The following DNAH3 variants were observed in gnomAD, a reference collection of about 807,000 sequenced individuals.
The protein encoded by DNAH3 is dynein axonemal heavy chain 3, also known as axonemal beta dynein heavy chain 3.
A neutral mutation model predicts 432.5 loss-of-function variants in DNAH3; 332 were observed. The observed-to-expected ratio is 0.77, with a 90% CI of 0.70 to 0.84. The LOEUF (loss-of-function observed/expected upper bound fraction) is 0.84, where lower values mean the gene tolerates loss of function less well. DNAH3 is among the 40% of genes least tolerant of loss of function. The probability of loss-of-function intolerance (pLI) is 0.00; values close to 1 mark genes in which losing one functional copy is unlikely to be tolerated. For missense variants in DNAH3, 4,861 were observed against 5,114.0 expected (o/e 0.95, Z 1.51); for synonymous variants, 1,956 against 1,900.2 (o/e 1.03, Z -0.76).
intron 31 of DNAH3, among the ~76,000 whole-genome samples, chr16:21,047,828 T>G (rs1207031168): frequency 1.3e-5 from 2 of 150,602 alleles, no homozygotes; most frequent in African/African-American, 2.4e-5. Flanking sequence ...TGGTCTTTGA[T>G]GATGGTGATG....
exon 48 of DNAH3, chr16:20,985,630 C>G (rs1173142432): frequency 2.5e-6 from 4 of 1,614,198 alleles, no homozygotes; most frequent in Non-Finnish European, 3.4e-6. Flanking sequence ...TTTTTGGTCA[C>G]TTTCTGGCTT....
chr16:20,997,517 T>TG, intron 43 of DNAH3, 55 bp from the exon 44 acceptor site: 1 of 1,582,610 alleles, frequency 6.3e-7, no homozygotes, highest in Non-Finnish European at 8.6e-7. Flanking sequence ...TCTTCTGCTC[T>TG]TACAGAGGTA....
chr16:21,064,537 T>C (rs1383612567), intron 24 of DNAH3, among the ~76,000 whole-genome samples: 1 of 152,200 alleles, frequency 6.6e-6, no homozygotes, highest in African/African-American at 2.4e-5. Context: ...GTTGAGCAAG[T>C]ACAAAGAGTA....
chr16:21,098,347 G>C (rs756210822), intron 17 of DNAH3, among the ~76,000 whole-genome samples: 3 of 150,864 alleles, frequency 2.0e-5, no homozygotes, highest in Non-Finnish European at 4.4e-5. Context: ...GCTGAGGCAG[G>C]AGAATCACTT....
chr16:20,987,834 C>A (rs2086279383), exon 46 of DNAH3: 2 of 1,614,140 alleles, frequency 1.2e-6, no homozygotes, highest in Non-Finnish European at 1.7e-6. Flanking sequence ...TAGCTTGGAC[C>A]AGCATCTTTC....
chr16:20,968,602 C>T (rs2085166755), intron 52 of DNAH3, among the ~76,000 whole-genome samples: 1 of 151,730 alleles, frequency 6.6e-6, no homozygotes, highest in Admixed American at 6.6e-5. Flanking sequence ...GCTTTCCTTC[C>T]TCCTTCCCCA....
At chr16:21,058,549 C>T (rs144678603) in intron 26 of DNAH3, among the ~76,000 whole-genome samples, 2 of 152,204 alleles carry the variant, frequency 1.3e-5, no homozygotes, top group African/African-American at 4.8e-5. Context: ...ATTTTTTTAG[C>T]TGTTTCTCCA....
chr16:20,999,734 A>G (rs2086926299), intron 43 of DNAH3, among the ~76,000 whole-genome samples: 1 of 152,206 alleles, frequency 6.6e-6, no homozygotes. Flanking sequence ...GACCGAAGTG[A>G]GGAAACGCTT....
Position 20,933,425 on chromosome 16 carries a change from C to T in DNAH3, c.12080G>A (p.Trp4027Ter), listed in dbSNP as rs1274544361. The change falls in exon 62 of 62, where the codon TGG (tryptophan) becomes TAG (stop). Residue 4027 changes from tryptophan (W) to a stop codon, truncating the protein, a stop_gained. Coordinates refer to ENST00000261383, the Ensembl canonical transcript of DNAH3. LOFTEE classifies it high-confidence loss of function. The stretch of plus-strand genomic sequence containing the variant: ...CCCAATCTGCATCGTTTTCCTGTCC[C>T]AACGGGCACCTTCTAAGAAGAGCCC... 1.2e-6 allele frequency: 2 copies of T among 1,614,098 alleles called. No individual in the cohort carries two copies. Among genetic ancestry groups the T allele is most frequent in the Non-Finnish European group, 1.7e-6 (2 of 1,180,032 alleles).
intron 54 of DNAH3, among the ~76,000 whole-genome samples, chr16:20,957,848 A>C (rs12930334): frequency 7.5e-6 from 1 of 133,254 alleles, no homozygotes; most frequent in Non-Finnish European, 1.6e-5. Flanking sequence ...AAAAAAAAAA[A>C]AGAGAATCCC....
intron 1 of DNAH3, among the ~76,000 whole-genome samples, chr16:21,155,090 C>T (rs1041004501): frequency 6.6e-6 from 1 of 151,794 alleles, no homozygotes; most frequent in Non-Finnish European, 1.5e-5. Flanking sequence ...ACTGGGATTA[C>T]AGGCGTGTGC....
chr16:21,021,930 C>G (rs770690380), intron 40 of DNAH3, 41 bp downstream of exon 40: 25 of 1,607,178 alleles, frequency 1.6e-5, no homozygotes, highest in Middle Eastern at 1.7e-4. Context: ...CCAAGGTAGA[C>G]CCACCCCCCA....
chr16:21,157,828 C>T (rs1254142436), intron 1 of DNAH3, among the ~76,000 whole-genome samples: 2 of 151,384 alleles, frequency 1.3e-5, no homozygotes, highest in African/African-American at 4.9e-5. Flanking sequence ...AGTAAGTTGC[C>T]ATCATGCTCT....
chr16:21,099,544 A>C (rs1414111461), intron 16 of DNAH3, among the ~76,000 whole-genome samples: 1 of 152,202 alleles, frequency 6.6e-6, no homozygotes, highest in East Asian at 1.9e-4. Context: ...AGAATAATAT[A>C]GTGTGAAGTG....
chr16:21,112,451 T>C (rs1375114701), intron 12 of DNAH3, among the ~76,000 whole-genome samples: 7 of 152,096 alleles, frequency 4.6e-5, no homozygotes, highest in African/African-American at 7.2e-5. Context: ...CCTCAGATCA[T>C]GGTGGGAGGC....
Position 21,033,958 on chromosome 16 carries a change from G to A in DNAH3, c.5197+16C>T. On this transcript the variant is annotated intron_variant, in intron 36 of 61. Transcript: ENST00000261383. ...GGAGTTCTGTCCTCCCTGGAAGCCA[G>A]GGATGTGAGCTTTACCTGCGTGTAA... The A allele has an allele frequency of 1.3e-6, 2 of 1,596,758 alleles. No homozygotes were observed. The highest frequency in any genetic ancestry group is 1.7e-6 in the Non-Finnish European group (2 of 1,165,188).
intron 50 of DNAH3, 64 bp downstream of exon 50, chr16:20,979,266 A>G: frequency 6.6e-7 from 1 of 1,515,126 alleles, no homozygotes; most frequent in Non-Finnish European, 9.1e-7. Context: ...ACCTGAACAC[A>G]TGCCTCGGCA....
intron 19 of DNAH3, among the ~76,000 whole-genome samples, chr16:21,082,771 T>G (rs1002698533): frequency 6.0e-5 from 9 of 150,100 alleles, no homozygotes; most frequent in Non-Finnish European, 1.2e-4. Context: ...GAGGCAGGAA[T>G]CAGCCGAGAT....
At chr16:21,085,819 G>C (rs1444157388) in intron 19 of DNAH3, among the ~76,000 whole-genome samples, 1 of 152,018 alleles carries the variant, frequency 6.6e-6, no homozygotes. Context: ...CCAGGCTGGA[G>C]TGCAGTGACA....
Sources: gnomAD v4.1 joint callset for allele counts (sites outside exome capture counted in the v4.1 genomes callset) on GRCh38, gnomAD v4.1.1 for gene constraint, MANE v1.5 for transcripts, NCBI Gene and HGNC (gene_info 2026-07-23, HGNC 2026-07-21) for gene names.